EYS: variants seen among roughly 807,000 people sequenced by gnomAD.
EYS encodes protein eyes shut homolog.
A neutral mutation model predicts 282.1 loss-of-function variants in EYS; 250 were observed. That is an observed-to-expected ratio of 0.89 (90% CI 0.80 to 0.98). EYS has a LOEUF of 0.98. Ranked by LOEUF, EYS falls within the 50% of genes least tolerant of loss-of-function variation. EYS has a pLI of 0.00. For missense variants in EYS, 4,016 were observed against 3,709.0 expected (o/e 1.08, Z -2.15); for synonymous variants, 1,355 against 1,282.9 (o/e 1.06, Z -1.20).
chr6:64,040,828 C>T (rs140184120), intron 33 of EYS, among the ~76,000 whole-genome samples: 3 of 152,252 alleles, frequency 2.0e-5, no homozygotes, highest in Non-Finnish European at 2.9e-5. Flanking sequence ...TCCTTATCCT[C>T]GAGCTCCTAA....
In EYS at chr6:63,893,632, G is replaced by A. The variant is rs114823380; in HGVS notation, c.7056-29274C>T. Among the ~76,000 whole-genome samples, 960 of 152,140 alleles carry A rather than the reference G, an allele frequency of 6.3e-3. 7 individuals carry two copies. The highest frequency in any genetic ancestry group is 0.021 in the African/African-American group (875 of 41,494). Reference sequence around the variant, plus strand: ...AAGGAAAATACCTAATGTAGATGACGGACTGATGGGTGCAGCAAACCACCA... The same window carrying A: ...AAGGAAAATACCTAATGTAGATGACAGACTGATGGGTGCAGCAAACCACCA... On this transcript the variant is annotated intron_variant, in intron 35 of 42. Coordinates refer to ENST00000503581, the MANE Select transcript of EYS (RefSeq NM_001142800.2).
At chr6:64,579,713 CA>C (rs1765999331) in intron 26 of EYS, among the ~76,000 whole-genome samples, 2 of 152,180 alleles carry the variant, frequency 1.3e-5, no homozygotes, top group Admixed American at 1.3e-4. Context: ...TTCATATTCT[CA>C]GTGTAGAACT....
intron 15 of EYS, among the ~76,000 whole-genome samples, chr6:64,943,881 T>A (rs1769186331): frequency 6.6e-6 from 1 of 151,988 alleles, no homozygotes; most frequent in Non-Finnish European, 1.5e-5. Context: ...AAGAAAGAGA[T>A]TGAATAACTA....
intron 2 of EYS, among the ~76,000 whole-genome samples, chr6:65,565,794 T>C (rs1459428281): frequency 6.6e-6 from 1 of 152,028 alleles, no homozygotes; most frequent in Admixed American, 6.6e-5. Context: ...TCATGTCCTT[T>C]GTAGGGACAT....
intron 33 of EYS, among the ~76,000 whole-genome samples, chr6:64,034,474 C>G (rs1051777161): frequency 1.1e-4 from 16 of 152,192 alleles, no homozygotes; most frequent in Admixed American, 8.5e-4. Flanking sequence ...GGGCCCCAAG[C>G]AGCCTGGCCC....
chr6:64,714,514 T>C (rs1433785268), intron 22 of EYS, among the ~76,000 whole-genome samples: 3 of 23,802 alleles, frequency 1.3e-4, no homozygotes, highest in Non-Finnish European at 3.1e-4. Flanking sequence ...TTTTCTTTCT[T>C]TCTTTTTTTT....
At chr6:65,211,830 A>G (rs904463694) in intron 12 of EYS, among the ~76,000 whole-genome samples, 1 of 152,024 alleles carries the variant, frequency 6.6e-6, no homozygotes, top group Admixed American at 6.6e-5. Context: ...GAATGAGAGG[A>G]CTATTAATTC....
intron 12 of EYS, among the ~76,000 whole-genome samples, chr6:65,139,573 C>T (rs1312074556): frequency 6.6e-6 from 1 of 152,004 alleles, no homozygotes; most frequent in Non-Finnish European, 1.5e-5. Flanking sequence ...CCCACGTAGC[C>T]CTGAACCTAA....
At chr6:65,471,583 T>C (rs72876242) in intron 5 of EYS, among the ~76,000 whole-genome samples, 231 of 152,288 alleles carry the variant, frequency 1.5e-3, no homozygotes, top group South Asian at 4.1e-3. Flanking sequence ...ATCATTGTAA[T>C]TTATGTTGAC....
chr6:64,069,583 A>G lies in EYS; in HGVS notation c.6572-3092T>C, dbSNP rs370794022. Among the ~76,000 whole-genome samples the G allele has an allele frequency of 3.2e-4, 48 of 152,222 alleles. 1 individual carries two copies. Among genetic ancestry groups the G allele is most frequent in the African/African-American group, 1.1e-3 (45 of 41,562 alleles). ...CTCTCCAAAATTACAACCTTCAGAA[A>G]TGGCCAGCATTAATATTCAGTGAAC... On this transcript the variant is annotated intron_variant, in intron 32 of 42. Coordinates refer to ENST00000503581, the MANE Select transcript of EYS (RefSeq NM_001142800.2).
intron 1 of EYS, among the ~76,000 whole-genome samples, chr6:65,655,453 A>G (rs1038343303): frequency 2.4e-4 from 37 of 151,834 alleles, no homozygotes; most frequent in African/African-American, 8.9e-4. Flanking sequence ...TTATAAATAT[A>G]TGTTGATAGT....
intron 31 of EYS, among the ~76,000 whole-genome samples, chr6:64,230,113 A>T (rs767539641): frequency 1.1e-4 from 17 of 152,188 alleles, no homozygotes; most frequent in Admixed American, 3.3e-4. Flanking sequence ...TCATTCATTA[A>T]CAGCTTCATT....
chr6:63,891,293 T>A (rs1485236322), intron 35 of EYS, among the ~76,000 whole-genome samples: 1 of 152,142 alleles, frequency 6.6e-6, no homozygotes, highest in African/African-American at 2.4e-5. Flanking sequence ...AAAAAGATCA[T>A]TTCAGGCCAA....
chr6:63,895,868 G>C (rs1402510079), intron 35 of EYS, among the ~76,000 whole-genome samples: 1 of 141,432 alleles, frequency 7.1e-6, no homozygotes, highest in African/African-American at 2.7e-5. Flanking sequence ...TCTAATTTAT[G>C]TGGACAATTC....
At chr6:65,135,891 G>T (rs1393861738) in intron 12 of EYS, among the ~76,000 whole-genome samples, 1 of 151,924 alleles carries the variant, frequency 6.6e-6, no homozygotes, top group African/African-American at 2.4e-5. Context: ...TTAACTATTT[G>T]GAAATTGTGG....
At chr6:65,179,650 C>T (rs891368946) in intron 12 of EYS, among the ~76,000 whole-genome samples, 1 of 152,156 alleles carries the variant, frequency 6.6e-6, no homozygotes, top group Admixed American at 6.5e-5. Context: ...GTTACCATTC[C>T]TTCTGAAACT....
At chr6:64,917,754 C>A (rs1025049418) in intron 15 of EYS, among the ~76,000 whole-genome samples, 3 of 151,792 alleles carry the variant, frequency 2.0e-5, no homozygotes, top group Non-Finnish European at 4.4e-5. Context: ...CTTGATTTAC[C>A]CATTTCAAAA....
chr6:64,069,514 G>GT (rs60267766), intron 32 of EYS, among the ~76,000 whole-genome samples: 32,375 of 151,412 alleles, frequency 0.21, 3,729 homozygotes, highest in Middle Eastern at 0.34. Flanking sequence ...CATTGTTTTT[G>GT]TACTCAAGCA....
At chr6:64,946,004 T>G in intron 14 of EYS, 90 bp from the exon 15 acceptor site, 159 of 973,330 alleles carry the variant, frequency 1.6e-4, no homozygotes, top group Non-Finnish European at 2.0e-4. Context: ...TTGATATCTC[T>G]GTCAATTTAT....
Sources: gnomAD v4.1 joint callset for allele counts (sites outside exome capture counted in the v4.1 genomes callset) on GRCh38, gnomAD v4.1.1 for gene constraint, MANE v1.5 for transcripts, NCBI Gene and HGNC (gene_info 2026-07-23, HGNC 2026-07-21) for gene names.